The following DTNBP1 variants were observed in gnomAD, a reference collection of about 807,000 sequenced individuals.
DTNBP1 encodes dystrobrevin binding protein 1.
A neutral mutation model predicts 42.8 loss-of-function variants in DTNBP1; 35 were observed. The ratio of observed to expected loss-of-function variants is 0.82; its 90% confidence interval spans 0.63 to 1.09. DTNBP1 has a LOEUF of 1.09. DTNBP1 is among the 50% of genes least tolerant of loss of function. The pLI is 0.00. For missense variants in DTNBP1, 457 were observed against 424.2 expected (o/e 1.08, Z -0.68); for synonymous variants, 171 against 162.2 (o/e 1.05, Z -0.41).
chr6:15,646,802 AACTGGCTAGCCATTTATGG>A lies in DTNBP1; in HGVS notation c.161+4492_161+4510del, dbSNP rs1393082012. ...CCTATTCAATAAATGGTGCGAGGAA[AACTGGCTAGCCATTTATGG>A]ATGAACAAAACTGGACCCCTACCTC... On this transcript the variant is annotated intron_variant, in intron 3 of 9. Coordinates refer to ENST00000344537, the MANE Select transcript of DTNBP1 (RefSeq NM_032122.5). Among the ~76,000 whole-genome samples, 4 of 152,132 alleles carry A rather than the reference AACTGGCTAGCCATTTATGG, an allele frequency of 2.6e-5. No individual in the cohort carries two copies. The East Asian group carries it at 7.7e-4, about 29-fold the overall frequency.
At chr6:15,562,460 A>T (rs1443044223) in intron 7 of DTNBP1, among the ~76,000 whole-genome samples, 1 of 152,232 alleles carries the variant, frequency 6.6e-6, no homozygotes, top group Non-Finnish European at 1.5e-5. Context: ...AACATAATAA[A>T]TGTTTTAGTT....
chr6:15,612,562 T>C (rs1758468328), intron 6 of DTNBP1, among the ~76,000 whole-genome samples: 1 of 152,226 alleles, frequency 6.6e-6, no homozygotes, highest in Non-Finnish European at 1.5e-5. Context: ...CCCATTTCTT[T>C]ATAGCTGCAC....
intron 7 of DTNBP1, among the ~76,000 whole-genome samples, chr6:15,560,056 C>T (rs985710868): frequency 1.6e-4 from 25 of 152,270 alleles, no homozygotes; most frequent in African/African-American, 5.8e-4. Context: ...ACCTGTAATC[C>T]CAGCACTTTG....
chr6:15,551,659 T>C (rs1449184987), intron 7 of DTNBP1, among the ~76,000 whole-genome samples: 1 of 152,154 alleles, frequency 6.6e-6, no homozygotes, highest in Non-Finnish European at 1.5e-5. Context: ...TACCTCTCCA[T>C]TGCTACCACA....
In DTNBP1 at chr6:15,627,481, G is replaced by GCA; in HGVS notation, c.223-8_223-7dup. 1 of 1,613,804 alleles carries GCA rather than the reference G, an allele frequency of 6.2e-7. No individual in the cohort carries two copies. Among genetic ancestry groups the GCA allele is most frequent in the Non-Finnish European group, 8.5e-7 (1 of 1,179,906 alleles). On this transcript the variant is annotated splice_region_variant and splice_polypyrimidine_tract_variant and intron_variant, in intron 4 of 9. Transcript: ENST00000344537. ...ACCACCTCGCTATCCACCAGCTGCA[G>GCA]CACACAAGAAGGGGGGTAAAGTGAA...
At chr6:15,638,650 A>G (rs1307730166) in intron 3 of DTNBP1, among the ~76,000 whole-genome samples, 1 of 152,176 alleles carries the variant, frequency 6.6e-6, no homozygotes, top group East Asian at 1.9e-4. Flanking sequence ...ATCCTTAATA[A>G]AGTGATCAAA....
intron 8 of DTNBP1, among the ~76,000 whole-genome samples, chr6:15,524,965 C>T (rs1772270314): frequency 6.6e-6 from 1 of 152,248 alleles, no homozygotes; most frequent in Non-Finnish European, 1.5e-5. Flanking sequence ...GAGTAGGACG[C>T]TCAGCCTGTC....
intron 2 of DTNBP1, 42 bp from the exon 3 acceptor site, chr6:15,651,405 C>G: frequency 3.8e-6 from 6 of 1,593,992 alleles, no homozygotes; most frequent in Non-Finnish European, 5.1e-6. Context: ...CTTGATTTAG[C>G]CAACTGAAAA....
At chr6:15,568,504 T>C (rs529574155) in intron 7 of DTNBP1, among the ~76,000 whole-genome samples, 17 of 152,322 alleles carry the variant, frequency 1.1e-4, no homozygotes, top group Non-Finnish European at 8.8e-5. Flanking sequence ...GATACTACCA[T>C]TGACCCTTGA....
rs375607347 is a variant in DTNBP1 at position 15,523,110 on chromosome 6, G to C, written c.921C>G (p.Thr307=). 5.0e-6 allele frequency: 8 copies of C among 1,614,126 alleles called. No homozygotes were observed. In the African/African-American group the frequency reaches 9.3e-5, roughly 19 times the overall value. ...SSSSTCTDSA[T]RDISEGGESP... ...ACTCCCCACCCTCACTGATGTCCCGGGTGGCCGAGTCGGTGCAGGTGGAGG... is the reference window on the plus strand; with the variant it reads ...ACTCCCCACCCTCACTGATGTCCCGCGTGGCCGAGTCGGTGCAGGTGGAGG... The change falls in exon 10 of 10, where the codon ACC becomes ACG. Residue 307 remains threonine, a synonymous_variant. Transcript: ENST00000344537.
At chr6:15,524,299 C>T in intron 9 of DTNBP1, 1 of 1,610,112 alleles carries the variant, frequency 6.2e-7, no homozygotes, top group Non-Finnish European at 8.5e-7. Context: ...ACCAAAGTTA[C>T]CGGAGTGGAG....
intron 6 of DTNBP1, among the ~76,000 whole-genome samples, chr6:15,597,191 T>A (rs1776547581): frequency 6.6e-6 from 1 of 152,054 alleles, no homozygotes; most frequent in South Asian, 2.1e-4. Context: ...AATAAAGCAA[T>A]AATTAGAAAT....
At chr6:15,615,631 C>T (rs1407244142) in intron 5 of DTNBP1, among the ~76,000 whole-genome samples, 2 of 152,160 alleles carry the variant, frequency 1.3e-5, no homozygotes, top group East Asian at 3.8e-4. Context: ...CTTTCCTAAA[C>T]ACTTATTAAC....
chr6:15,552,836 A>G (rs1774288031), intron 7 of DTNBP1, among the ~76,000 whole-genome samples: 1 of 152,218 alleles, frequency 6.6e-6, no homozygotes, highest in Admixed American at 6.5e-5. Context: ...ATACACAGAA[A>G]TAAATTATTT....
chr6:15,613,082 T>C (rs1000110208), intron 6 of DTNBP1, among the ~76,000 whole-genome samples: 95 of 151,644 alleles, frequency 6.3e-4, no homozygotes, highest in Non-Finnish European at 9.7e-4. Context: ...CTGAGGCGAG[T>C]GGATCATCAG....
intron 9 of DTNBP1, chr6:15,524,246 TGGGTG>T: frequency 6.3e-7 from 1 of 1,582,712 alleles, no homozygotes; most frequent in East Asian, 2.3e-5. Context: ...AATGGATTTC[TGGGTG>T]GTAAAGGAGG....
intron 5 of DTNBP1, among the ~76,000 whole-genome samples, chr6:15,619,085 C>G (rs1758891132): frequency 6.6e-6 from 1 of 152,046 alleles, no homozygotes; most frequent in Non-Finnish European, 1.5e-5. Flanking sequence ...GGGAGGTGGG[C>G]AGTAGCCAAA....
intron 7 of DTNBP1, among the ~76,000 whole-genome samples, chr6:15,580,864 T>C (rs1775797207): frequency 6.6e-6 from 1 of 152,226 alleles, no homozygotes; most frequent in Non-Finnish European, 1.5e-5. Flanking sequence ...AGTCACCGTT[T>C]CTAGAAGACT....
chr6:15,624,856 A>T (rs1299314303), intron 5 of DTNBP1, among the ~76,000 whole-genome samples: 1 of 152,182 alleles, frequency 6.6e-6, no homozygotes, highest in African/African-American at 2.4e-5. Context: ...TTAAAACACT[A>T]AATGTTTCCA....
Sources: allele counts gnomAD v4.1 joint callset (sites outside exome capture counted in the v4.1 genomes callset), GRCh38; gene constraint gnomAD v4.1.1; transcripts MANE v1.5; gene names NCBI Gene and HGNC (gene_info 2026-07-23, HGNC 2026-07-21).